Variants in ANKRD27 observed in about 807,000 individuals in gnomAD.
ANKRD27 encodes ankyrin repeat domain-containing protein 27.
In ANKRD27, 112 loss-of-function variants were observed where a neutral mutation model predicts 129.7. The observed-to-expected ratio is 0.86, with a 90% CI of 0.74 to 1.01. ANKRD27 has a LOEUF of 1.01. Ranked by LOEUF, ANKRD27 falls within the 50% of genes least tolerant of loss-of-function variation. The probability of loss-of-function intolerance (pLI) is 0.00; values close to 1 mark genes in which losing one functional copy is unlikely to be tolerated. For synonymous variants in ANKRD27, 516 were observed against 511.2 expected (o/e 1.01, Z -0.13); for missense variants, 1,258 against 1,300.5 (o/e 0.97, Z 0.50).
chr19:32,673,592 T>C, intron 1 of ANKRD27: 1 of 347,634 alleles, frequency 2.9e-6, no homozygotes, highest in Non-Finnish European at 4.0e-6. Flanking sequence ...AAAGAGTATT[T>C]TCCCTCTTTC....
intron 20 of ANKRD27, among the ~76,000 whole-genome samples, chr19:32,618,546 T>A (rs998723071): frequency 1.3e-5 from 2 of 151,958 alleles, no homozygotes; most frequent in African/African-American, 4.8e-5. Context: ...CAGGGACAAC[T>A]TCAGGTCTCC....
chr19:32,643,976 G>T (rs1967253004), intron 5 of ANKRD27, among the ~76,000 whole-genome samples: 1 of 151,928 alleles, frequency 6.6e-6, no homozygotes, highest in South Asian at 2.1e-4. Context: ...CTGGGCTAAA[G>T]CCATCCTCCC....
Position 32,599,742 on chromosome 19 carries a change from T to C in ANKRD27, c.2881A>G (p.Arg961Gly). 1 of 1,613,854 alleles carries C rather than the reference T, an allele frequency of 6.2e-7. No homozygotes were observed. The highest frequency in any genetic ancestry group is 1.1e-5 in the South Asian group (1 of 90,942). Residue 961 changes from arginine to glycine, a missense_variant, in exon 28 of 29, where the codon AGA (arginine) becomes GGA (glycine). Physicochemically the swap from Arg to Gly is moderately radical, Grantham distance 125. Transcript: ENST00000306065. ...CCTTCGGTTAAATTAGGGACACTTC[T>C]ATCTCTTGCCATAATCTCCCTTGAA... is the stretch of plus-strand genomic sequence containing the variant. Reference protein sequence around the residue: ...KTSREIMARDRSVPNLTEGSL... With the variant: ...KTSREIMARDGSVPNLTEGSL...
chr19:32,619,456 T>C (rs1971974730), intron 19 of ANKRD27, 38 bp downstream of exon 19: 14 of 1,613,868 alleles, frequency 8.7e-6, no homozygotes, highest in Non-Finnish European at 1.2e-5. Flanking sequence ...GCCCTTGGTC[T>C]CCAAGGTAAC....
intron 10 of ANKRD27, among the ~76,000 whole-genome samples, chr19:32,640,713 G>T (rs900449114): frequency 1.3e-5 from 2 of 152,104 alleles, no homozygotes; most frequent in Non-Finnish European, 2.9e-5. Flanking sequence ...GCCAGCCTGG[G>T]CAATATAGCA....
intron 27 of ANKRD27, 78 bp from the exon 28 acceptor site, chr19:32,599,854 T>G: frequency 1.3e-6 from 2 of 1,540,658 alleles, no homozygotes; most frequent in Non-Finnish European, 1.8e-6. Context: ...GGTGGCAGCA[T>G]TTTTGACATT....
chr19:32,610,262 A>G (rs914021494), intron 22 of ANKRD27, among the ~76,000 whole-genome samples: 5 of 152,016 alleles, frequency 3.3e-5, no homozygotes, highest in African/African-American at 1.2e-4. Flanking sequence ...GTGAGCCGAG[A>G]TGGCGCCACT....
chr19:32,615,647 CAA>C lies in ANKRD27; in HGVS notation c.2175+9_2175+10del. The C allele has an allele frequency of 6.2e-7, 1 of 1,614,100 alleles. No individual in the cohort carries two copies. The highest frequency in any genetic ancestry group is 8.5e-7 in the Non-Finnish European group (1 of 1,180,008). ...ATTCCCTGACCTCCACCAACAGAAA[CAA>C]AGCCAAACCTTCTGAGCTGGGGCAC... On this transcript the variant is annotated intron_variant, in intron 22 of 28. Transcript: ENST00000306065.
rs1414802561 is a variant in ANKRD27, at chr19:32,619,296, G to A, written c.1971C>T (p.Ser657=). 6.2e-7 allele frequency: 1 copy of A among 1,613,886 alleles called. No individual in the cohort carries two copies. The highest frequency in any genetic ancestry group is 8.5e-7 in the Non-Finnish European group (1 of 1,179,974). ...STSSFSSMSA[S]SRQEETKKDY... is the part of the protein sequence containing the mutation. ...CCTTCTTGGTCTCCTCCTGCCTTGAGCTGGCTGACATGGAGGAGAAGCTGG... is the reference window on the plus strand; with the variant it reads ...CCTTCTTGGTCTCCTCCTGCCTTGAACTGGCTGACATGGAGGAGAAGCTGG... The change falls in exon 20 of 29, where the codon AGC becomes AGT. Residue 657 remains serine (S), a synonymous_variant. Transcript: ENST00000306065.
In ANKRD27 at chr19:32,602,129, G is replaced by A. The variant is rs1971662846; in HGVS notation, c.2656-3C>T. On this transcript the variant is annotated splice_region_variant and splice_polypyrimidine_tract_variant and intron_variant, in intron 25 of 28. Transcript: ENST00000306065. ...AGCAATTCCATTATTTTTGAATTCT[G>A]CAATTTGAAAGGGAAAAGGAACAGT... 1.9e-6 allele frequency: 3 copies of A among 1,567,906 alleles called. No individual in the cohort carries two copies. Among genetic ancestry groups the A allele is most frequent in the Non-Finnish European group, 2.6e-6 (3 of 1,140,960 alleles).
At chr19:32,668,820 C>G (rs567154575) in intron 1 of ANKRD27, among the ~76,000 whole-genome samples, 1 of 152,096 alleles carries the variant, frequency 6.6e-6, no homozygotes, top group South Asian at 2.1e-4. Flanking sequence ...TCAGCTCCCC[C>G]TAAGTGCTGG....
rs907372485 is a variant in ANKRD27 at position 32,597,490 on chromosome 19, A to G, written c.*655T>C. ...CTACAGGTGCACGTGTAGTAACCGAATATCTGTACCTACTTGTTAGAAGGA... is the reference window on the plus strand; with the variant it reads ...CTACAGGTGCACGTGTAGTAACCGAGTATCTGTACCTACTTGTTAGAAGGA... On this transcript the variant is annotated 3_prime_UTR_variant, in exon 29 of 29. Transcript: ENST00000306065. 2.6e-5 allele frequency: 4 copies of G among 153,116 alleles called. No individual in the cohort carries two copies. The highest frequency in any genetic ancestry group is 2.1e-4 in the South Asian group (1 of 4,848). 9.5% of individuals were successfully genotyped at this position (153,116 alleles called of 1,614,324 possible). A position where few individuals can be genotyped will look rare whatever the true frequency, so the allele number is the denominator to read the frequency against.
At chr19:32,608,430 A>G (rs7258024) in intron 22 of ANKRD27, 205,027 of 351,078 alleles carry the variant, frequency 0.58, 62,957 homozygotes, top group Non-Finnish European at 0.67. Flanking sequence ...TGTTTAAACC[A>G]CCGCTATAAG....
chr19:32,634,016 G>A (rs1412711276), intron 12 of ANKRD27, among the ~76,000 whole-genome samples: 1 of 152,118 alleles, frequency 6.6e-6, no homozygotes, highest in African/African-American at 2.4e-5. Flanking sequence ...GGGTGACAGA[G>A]CGAGATCCTG....
At chr19:32,665,871 C>T (rs768434175) in intron 1 of ANKRD27, among the ~76,000 whole-genome samples, 1 of 151,670 alleles carries the variant, frequency 6.6e-6, no homozygotes, top group Non-Finnish European at 1.5e-5. Context: ...AAGCAATTCT[C>T]GTACCTCGGC....
At chr19:32,663,109 A>G (rs1215611798) in intron 1 of ANKRD27, among the ~76,000 whole-genome samples, 1 of 152,232 alleles carries the variant, frequency 6.6e-6, no homozygotes, top group Non-Finnish European at 1.5e-5. Flanking sequence ...ATATACATAC[A>G]TACACACTTA....
Position 32,643,629 on chromosome 19 carries a change from G to A in ANKRD27, c.528C>T (p.Asp176=). The stretch of plus-strand genomic sequence containing the variant: ...ATTTGGTGTAGAGAGCATTCGCTGA[G>A]TCCTAAACCACATAGAGCAGAGGGA... ...CERKSLRHHI[D]SANALYTKCL... is the part of the protein sequence containing the mutation. The change falls in exon 6 of 29, where the codon GAC becomes GAT. Residue 176 remains aspartate, a splice_region_variant and synonymous_variant. Transcript: ENST00000306065. 6.2e-7 allele frequency: 1 copy of A among 1,613,950 alleles called. No homozygotes were observed. The highest frequency in any genetic ancestry group is 2.2e-5 in the East Asian group (1 of 44,872).
intron 13 of ANKRD27, among the ~76,000 whole-genome samples, chr19:32,629,242 C>T (rs1966947213): frequency 6.6e-6 from 1 of 152,132 alleles, no homozygotes; most frequent in Admixed American, 6.5e-5. Context: ...TAGAAATGCT[C>T]ATCTATGTGT....
In ANKRD27 at chr19:32,628,789, T is replaced by C; in HGVS notation, c.1270A>G (p.Lys424Glu). 3.7e-6 allele frequency: 6 copies of C among 1,614,222 alleles called. No individual in the cohort carries two copies. Among genetic ancestry groups the C allele is most frequent in the Middle Eastern group, 1.6e-4 (1 of 6,062 alleles). ...TGACACATCTTTTGGACGGTATCTT[T>C]ATCATGGTCCTCTTGGCTCAGAAGT... ...ERLLSQEDHD[K>E]DTVQKMCHPL... The change falls in exon 14 of 29, where the codon AAA becomes GAA. Residue 424 changes from lysine to glutamate, a missense_variant. Lys to Glu is a moderately conservative substitution (Grantham distance 56). Coordinates refer to ENST00000306065, the MANE Select transcript of ANKRD27 (RefSeq NM_032139.3).
Sources: allele counts gnomAD v4.1 joint callset (sites outside exome capture counted in the v4.1 genomes callset), GRCh38; gene constraint gnomAD v4.1.1; transcripts MANE v1.5; gene names NCBI Gene and HGNC (gene_info 2026-07-23, HGNC 2026-07-21).